The following TRIM33 variants were observed in gnomAD, a reference collection of about 807,000 sequenced individuals.
The protein encoded by TRIM33 is E3 ubiquitin-protein ligase TRIM33.
TRIM33 carries 20 observed loss-of-function variants against 125.4 expected under a neutral mutation model. The observed-to-expected ratio is 0.16, with a 90% CI of 0.11 to 0.23. TRIM33 has a LOEUF of 0.23. TRIM33 is among the 10% of genes least tolerant of loss of function. The pLI is 1.00. For missense variants in TRIM33, 920 were observed against 1,411.4 expected (o/e 0.65, Z 5.58); for synonymous variants, 564 against 513.9 (o/e 1.10, Z -1.32).
At chr1:114,508,034 T>C (rs1653104254) in intron 1 of TRIM33, among the ~76,000 whole-genome samples, 1 of 152,050 alleles carries the variant, frequency 6.6e-6, no homozygotes, top group African/African-American at 2.4e-5. Flanking sequence ...CAAGAATCGC[T>C]TGAACCTGGG....
At chr1:114,436,372 A>G (rs1648296580) in intron 4 of TRIM33, among the ~76,000 whole-genome samples, 1 of 138,240 alleles carries the variant, frequency 7.2e-6, no homozygotes, top group Admixed American at 7.4e-5. Context: ...ACTGCACTCC[A>G]GCCTGGTGAC....
At chr1:114,445,534 A>C (rs957617853) in intron 4 of TRIM33, among the ~76,000 whole-genome samples, 1 of 152,112 alleles carries the variant, frequency 6.6e-6, no homozygotes, top group African/African-American at 2.4e-5. Flanking sequence ...AGCTACCACA[A>C]CTGGCTGGAA....
intron 4 of TRIM33, among the ~76,000 whole-genome samples, chr1:114,459,750 GAA>G (rs149552253): frequency 0.026 from 3,921 of 152,162 alleles, 87 homozygotes; most frequent in Non-Finnish European, 0.034. Context: ...CAAAAAATAA[GAA>G]AAATTCTCTC....
intron 15 of TRIM33, among the ~76,000 whole-genome samples, chr1:114,403,818 G>A (rs149367193): frequency 6.6e-6 from 1 of 152,194 alleles, no homozygotes; most frequent in Non-Finnish European, 1.5e-5. Flanking sequence ...CCGCCACCAT[G>A]CCTGGCCAAT....
intron 1 of TRIM33, among the ~76,000 whole-genome samples, chr1:114,503,647 T>C (rs1310963385): frequency 6.6e-6 from 1 of 152,058 alleles, no homozygotes; most frequent in African/African-American, 2.4e-5. Context: ...TCACCACCAA[T>C]CTCTTCAGGA....
intron 11 of TRIM33, among the ~76,000 whole-genome samples, chr1:114,411,164 C>T (rs750708193): frequency 2.6e-5 from 4 of 152,112 alleles, no homozygotes; most frequent in African/African-American, 4.8e-5. Context: ...TTTCAGCCTC[C>T]TGAATAGCTA....
intron 1 of TRIM33, among the ~76,000 whole-genome samples, chr1:114,467,500 T>C (rs1401552407): frequency 6.6e-6 from 1 of 152,084 alleles, no homozygotes; most frequent in Non-Finnish European, 1.5e-5. Flanking sequence ...AGGAAGAATA[T>C]TATCAAGGAC....
At position 114,397,518 on chromosome 1, in the gene TRIM33, G is replaced by A; in HGVS notation, c.*130C>T. 3.1e-6 allele frequency: 2 copies of A among 651,292 alleles called. No individual in the cohort carries two copies. The highest frequency in any genetic ancestry group is 2.7e-5 in the East Asian group (1 of 36,954). 40.3% of individuals were successfully genotyped at this position (651,292 alleles called of 1,614,324 possible). A position where few individuals can be genotyped will look rare whatever the true frequency, so the allele number is the denominator to read the frequency against. On this transcript the variant is annotated 3_prime_UTR_variant, in exon 20 of 20. Transcript: ENST00000358465. Reference sequence around the variant, plus strand: ...ATCTAATACTGTGTAAAAGCTATCAGCTTCTTCAAGGAGGTGCCCACTGTA... The same window carrying A: ...ATCTAATACTGTGTAAAAGCTATCAACTTCTTCAAGGAGGTGCCCACTGTA...
Position 114,468,598 on chromosome 1 carries a change from G to A in TRIM33, c.527-4210C>T, listed in dbSNP as rs184127068. ...AAAGATGTTTGATACTGATGAAGCT[G>A]AAGAAGGTGTAAAGGATCTTAAGAT... On this transcript the variant is annotated intron_variant, in intron 1 of 19. Coordinates refer to ENST00000358465, the MANE Select transcript of TRIM33 (RefSeq NM_015906.4). The A allele has an allele frequency of 7.6e-5, 31 of 408,704 alleles. No homozygotes were observed. The East Asian group carries it at 2.1e-3, about 27-fold the overall frequency. 25.3% of individuals were successfully genotyped at this position (408,704 alleles called of 1,614,324 possible).
chr1:114,417,713 C>CAATG (rs1653025013), intron 11 of TRIM33, among the ~76,000 whole-genome samples: 1 of 152,132 alleles, frequency 6.6e-6, no homozygotes, highest in Admixed American at 6.5e-5. Context: ...GGCTGGAGTG[C>CAATG]AATGGCGCGA....
chr1:114,421,667 G>C (rs1653295370), intron 10 of TRIM33, 31 bp from the exon 11 acceptor site: 3 of 1,600,880 alleles, frequency 1.9e-6, no homozygotes, highest in Admixed American at 1.7e-5. Flanking sequence ...ATCATTACTT[G>C]ATCTGCCAGA....
At chr1:114,397,900 C>T in intron 19 of TRIM33, 40 bp from the exon 20 acceptor site, 1 of 1,613,016 alleles carries the variant, frequency 6.2e-7, no homozygotes, top group Non-Finnish European at 8.5e-7. Flanking sequence ...ATTGGTAATG[C>T]ATATTCCTTC....
chr1:114,393,408 AT>A lies in TRIM33; in HGVS notation c.*4239del. 1 of 202,418 alleles carries A rather than the reference AT, an allele frequency of 4.9e-6. No individual in the cohort carries two copies. The highest frequency in any genetic ancestry group is 1.0e-5 in the Non-Finnish European group (1 of 98,384). 12.5% of individuals were successfully genotyped at this position (202,418 alleles called of 1,614,324 possible). A position where few individuals can be genotyped will look rare whatever the true frequency, so the allele number is the denominator to read the frequency against. ...ATATTGCAGTGGCACTTACAAAATC[AT>A]TTTGGTGCCTTCCCACACATAAATT... On this transcript the variant is annotated 3_prime_UTR_variant, in exon 20 of 20. Coordinates refer to ENST00000358465, the MANE Select transcript of TRIM33 (RefSeq NM_015906.4).
intron 1 of TRIM33, among the ~76,000 whole-genome samples, chr1:114,484,403 A>G (rs1423927720): frequency 6.6e-6 from 1 of 152,214 alleles, no homozygotes; most frequent in Non-Finnish European, 1.5e-5. Flanking sequence ...ATTTGCAAGA[A>G]TTATACTGGT....
intron 13 of TRIM33, among the ~76,000 whole-genome samples, chr1:114,407,910 G>A (rs1342874043): frequency 2.0e-5 from 3 of 151,982 alleles, no homozygotes; most frequent in Non-Finnish European, 2.9e-5. Flanking sequence ...ATATTCTAAA[G>A]AAATAAAGAA....
intron 4 of TRIM33, among the ~76,000 whole-genome samples, chr1:114,449,108 T>C (rs1649162976): frequency 6.6e-6 from 1 of 151,372 alleles, no homozygotes; most frequent in Non-Finnish European, 1.5e-5. Flanking sequence ...AGGTTATGGG[T>C]GATGACATGA....
At chr1:114,462,082 T>C (rs774061523) in intron 4 of TRIM33, among the ~76,000 whole-genome samples, 18 of 152,210 alleles carry the variant, frequency 1.2e-4, no homozygotes, top group Non-Finnish European at 1.8e-4. Flanking sequence ...TACCAATTAC[T>C]ATGAGACTTT....
At chr1:114,433,549 C>A in intron 5 of TRIM33, 68 bp downstream of exon 5, 2 of 932,598 alleles carry the variant, frequency 2.1e-6, no homozygotes, top group Non-Finnish European at 1.6e-6. Context: ...AGCAGAAAAA[C>A]AGATTTAAAC....
chr1:114,405,275 C>A, intron 15 of TRIM33, 135 bp downstream of exon 15: 2 of 650,840 alleles, frequency 3.1e-6, no homozygotes, highest in Admixed American at 3.0e-5. Flanking sequence ...GAAGCTAATA[C>A]CAAAAGAATA....
Sources: allele counts gnomAD v4.1 joint callset (sites outside exome capture counted in the v4.1 genomes callset), GRCh38; gene constraint gnomAD v4.1.1; transcripts MANE v1.5; gene names NCBI Gene and HGNC (gene_info 2026-07-23, HGNC 2026-07-21).